The following PPARD variants were observed in gnomAD, a reference collection of about 807,000 sequenced individuals.
PPARD encodes peroxisome proliferator activated receptor delta.
In PPARD, 6 loss-of-function variants were observed where a neutral mutation model predicts 39.5. The ratio of observed to expected loss-of-function variants is 0.15; its 90% CI spans 0.08 to 0.30. The LOEUF (loss-of-function observed/expected upper bound fraction) is 0.30. Among genes scored for constraint, PPARD ranks in the 10% least tolerant of loss-of-function variants. The pLI, the probability that PPARD is intolerant of heterozygous loss-of-function variation, is 1.00. For missense variants in PPARD, 397 were observed against 596.8 expected, an observed-to-expected ratio of 0.67 and a Z score of 3.49; for synonymous variants, 210 against 231.3, an observed-to-expected ratio of 0.91 and a Z score of 0.83.
intron 2 of PPARD, among the ~76,000 whole-genome samples, chr6:35,388,354 TGCCGC>T (rs568647597): frequency 6.6e-5 from 10 of 152,052 alleles, no homozygotes; most frequent in Non-Finnish European, 1.3e-4. Flanking sequence ...GGGCAGCACG[TGCCGC>T]GGGGGCAGGA....
intron 2 of PPARD, among the ~76,000 whole-genome samples, chr6:35,399,148 A>C (rs1177267347): frequency 1.3e-5 from 2 of 152,042 alleles, no homozygotes; most frequent in East Asian, 3.9e-4. Flanking sequence ...CATGCCTGTA[A>C]TCCCAGCACT....
rs891870787 is a variant in PPARD at position 35,359,929 on chromosome 6, T to C, written c.-102+12779T>C. On this transcript the variant is annotated intron_variant, in intron 2 of 7. Coordinates refer to ENST00000360694, the MANE Select transcript of PPARD (RefSeq NM_006238.5). The stretch of plus-strand genomic sequence containing the variant: ...GATTAAAGCCCATGTCTTTGATCAC[T>C]ACATAGCAGGGCCTTCTAGGAAGGA... Among the ~76,000 whole-genome samples, 71 of 152,144 alleles carry C rather than the reference T, an allele frequency of 4.7e-4. 1 individual carries two copies. Among genetic ancestry groups the C allele is most frequent in the African/African-American group, 1.6e-3 (68 of 41,422 alleles).
chr6:35,411,458 G>A (rs373224156), intron 3 of PPARD, among the ~76,000 whole-genome samples: 6 of 152,344 alleles, frequency 3.9e-5, no homozygotes, highest in African/African-American at 1.4e-4. Flanking sequence ...GATGGTAGGT[G>A]ATGTGGATAT....
At chr6:35,355,595 CTTCTTTTTTTTTTT>C (rs1359140365) in intron 2 of PPARD, among the ~76,000 whole-genome samples, 8 of 50,432 alleles carry the variant, frequency 1.6e-4, no homozygotes, top group Admixed American at 5.0e-4. Context: ...TCTTCTTCTT[CTTCTTTTTTTTTTT>C]TTTTTTTTTT....
chr6:35,349,610 C>T (rs1582268111), intron 2 of PPARD, among the ~76,000 whole-genome samples: 1 of 151,854 alleles, frequency 6.6e-6, no homozygotes, highest in Admixed American at 6.6e-5. Flanking sequence ...GCAGTCCTCT[C>T]ACCACAGCCT....
rs1764669849 is a variant in PPARD at position 35,401,114 on chromosome 6, C to G, written c.-101-9873C>G. Among the ~76,000 whole-genome samples the G allele has an allele frequency of 6.6e-6, 1 of 152,174 alleles. No homozygotes were observed. Among genetic ancestry groups the G allele is most frequent in the Admixed American group, 6.5e-5 (1 of 15,280 alleles). ...CTGGGAGGGCAGAGCAGGAACAGGCCTTGGAGATGATCTAATTCTGACATT... is the reference window on the plus strand; with the variant it reads ...CTGGGAGGGCAGAGCAGGAACAGGCGTTGGAGATGATCTAATTCTGACATT... On this transcript the variant is annotated intron_variant, in intron 2 of 7. Coordinates refer to ENST00000360694, the MANE Select transcript of PPARD (RefSeq NM_006238.5). This position sits in a 1 kb window ranked among gnomAD's most constrained non-coding sequence, Gnocchi z 4.1.
At chr6:35,384,597 A>T (rs1174801823) in intron 2 of PPARD, among the ~76,000 whole-genome samples, 2 of 58,042 alleles carry the variant, frequency 3.4e-5, no homozygotes, top group Admixed American at 1.6e-4. Flanking sequence ...CAGCCGCCCC[A>T]TCCGGGAGGG....
intron 2 of PPARD, among the ~76,000 whole-genome samples, chr6:35,407,785 G>T (rs1443503423): frequency 6.7e-6 from 1 of 149,544 alleles, no homozygotes; most frequent in Admixed American, 6.7e-5. Context: ...AAGAATAATT[G>T]TCTTTCACAC....
intron 2 of PPARD, among the ~76,000 whole-genome samples, chr6:35,391,974 C>A (rs1277523613): frequency 6.6e-6 from 1 of 152,064 alleles, no homozygotes; most frequent in East Asian, 1.9e-4. Context: ...GATTGTGGCA[C>A]TGACCACTCA....
In PPARD at chr6:35,369,503, G is replaced by T. The variant is rs149455635; in HGVS notation, c.-102+22353G>T. ...TCCAGCCCAAGACTACCACTCATCT[G>T]CTTTCTCTACGTACAGATTTACCTG... On this transcript the variant is annotated intron_variant, in intron 2 of 7. Coordinates refer to ENST00000360694, the MANE Select transcript of PPARD (RefSeq NM_006238.5). 3.4e-3 allele frequency among the ~76,000 whole-genome samples: 525 copies of T among 152,244 alleles called. 11 individuals carry two copies. Among genetic ancestry groups the T allele is most frequent in the South Asian group, 0.022 (108 of 4,828 alleles).
chr6:35,421,142 T>G (rs546764933), intron 4 of PPARD, among the ~76,000 whole-genome samples: 10 of 152,210 alleles, frequency 6.6e-5, no homozygotes, highest in Admixed American at 2.0e-4. Context: ...TTTGTAGTTT[T>G]AATAGGGACG....
chr6:35,409,755 C>G (rs949891694), intron 2 of PPARD, among the ~76,000 whole-genome samples: 2 of 152,104 alleles, frequency 1.3e-5, no homozygotes, highest in Non-Finnish European at 2.9e-5. Flanking sequence ...TAAGTCCAAG[C>G]AAGGGAAGGC....
Position 35,424,167 on chromosome 6 carries a change from T to C in PPARD, c.627+19T>C, listed in dbSNP as rs1317262370. 6.2e-7 allele frequency: 1 copy of C among 1,610,816 alleles called. No individual in the cohort carries two copies. The highest frequency in any genetic ancestry group is 8.5e-7 in the Non-Finnish European group (1 of 1,179,506). ...CACGGCGGTGAGTGTTGCTGCTGCT[T>C]GGCCTGGCAGCATCCTGGGCTCTGG... On this transcript the variant is annotated intron_variant, in intron 6 of 7. Coordinates refer to ENST00000360694, the MANE Select transcript of PPARD (RefSeq NM_006238.5). The surrounding 1 kb of genome is among the most constrained non-coding windows in gnomAD (Gnocchi z 7.1).
rs1766480195 is a variant in PPARD at position 35,425,052 on chromosome 6, C to T, written c.1078+273C>T. 1.7e-5 allele frequency: 21 copies of T among 1,226,880 alleles called. No individual in the cohort carries two copies. Among genetic ancestry groups the T allele is most frequent in the Non-Finnish European group, 2.2e-5 (21 of 967,304 alleles). 76.0% of individuals were successfully genotyped at this position (1,226,880 alleles called of 1,614,324 possible). On this transcript the variant is annotated intron_variant, in intron 7 of 7. Transcript: ENST00000360694. This position sits in a 1 kb window ranked among gnomAD's most constrained non-coding sequence, Gnocchi z 4.5. ...CTTTGGCAGGCCGAGGCGGGTGGATCACTTGAGGTCAGGAGTTCGAAACCA... is the reference window on the plus strand; with the variant it reads ...CTTTGGCAGGCCGAGGCGGGTGGATTACTTGAGGTCAGGAGTTCGAAACCA...
rs1562227665 is a variant in PPARD at position 35,424,280 on chromosome 6, A to G, written c.628-49A>G. ...TGCAGGCAAGGGACATGGGGAGCAC[A>G]GGGTGGGGGTCTCCCGAGGCCTGAT... On this transcript the variant is annotated intron_variant, in intron 6 of 7. Transcript: ENST00000360694. This position sits in a 1 kb window ranked among gnomAD's most constrained non-coding sequence, Gnocchi z 7.1. 6.9e-6 allele frequency: 11 copies of G among 1,598,760 alleles called. No individual in the cohort carries two copies. Among genetic ancestry groups the G allele is most frequent in the Non-Finnish European group, 9.4e-6 (11 of 1,170,216 alleles).
At chr6:35,358,328 G>A (rs938775067) in intron 2 of PPARD, among the ~76,000 whole-genome samples, 2 of 152,216 alleles carry the variant, frequency 1.3e-5, no homozygotes, top group African/African-American at 4.8e-5. Flanking sequence ...ACCTCTGGAG[G>A]AAGTGTGGCC....
At chr6:35,397,188 A>G (rs9658114) in intron 2 of PPARD, among the ~76,000 whole-genome samples, 1,495 of 65,336 alleles carry the variant, frequency 0.023, 9 homozygotes, top group Middle Eastern at 0.054. Flanking sequence ...CCCCACCCCC[A>G]CCCTGGGTCT....
intron 2 of PPARD, among the ~76,000 whole-genome samples, chr6:35,384,369 C>T (rs1356601664): frequency 7.1e-6 from 1 of 141,276 alleles, no homozygotes; most frequent in Non-Finnish European, 1.5e-5. Context: ...GCGCCTCTGC[C>T]TGGCTGCCCC....
chr6:35,389,495 A>T (rs903630324), intron 2 of PPARD, among the ~76,000 whole-genome samples: 1 of 152,002 alleles, frequency 6.6e-6, no homozygotes, highest in Non-Finnish European at 1.5e-5. Context: ...TATTTTTAGT[A>T]GAGACAGGGG....
Sources: gnomAD v4.1 joint callset for allele counts (sites outside exome capture counted in the v4.1 genomes callset) on GRCh38, gnomAD v4.1.1 for gene constraint, Gnocchi (gnomAD v3.1) non-coding constraint, MANE v1.5 for transcripts, NCBI Gene and HGNC (gene_info 2026-07-23, HGNC 2026-07-21) for gene names.